The following ITGAE variants were observed in gnomAD, a reference collection of about 807,000 sequenced individuals.
The protein encoded by ITGAE is integrin alpha-E.
ITGAE carries 99 observed loss-of-function variants against 136.5 expected under a neutral mutation model. The observed-to-expected ratio is 0.73, with a 90% CI of 0.62 to 0.86. The LOEUF (loss-of-function observed/expected upper bound fraction) is 0.86, where lower values mean the gene tolerates loss of function less well. Ranked by LOEUF, ITGAE falls within the 40% of genes least tolerant of loss-of-function variation. The pLI, the probability that ITGAE is intolerant of heterozygous loss-of-function variation, is 0.00. For missense variants in ITGAE, 1,447 were observed against 1,515.3 expected (o/e 0.95, Z 0.75); for synonymous variants, 613 against 591.8 (o/e 1.04, Z -0.52).
chr17:3,801,094 C>T lies in ITGAE; in HGVS notation c.34+17G>A, dbSNP rs534122795. On this transcript the variant is annotated intron_variant, in intron 1 of 30. Coordinates refer to ENST00000263087, the MANE Select transcript of ITGAE (RefSeq NM_002208.5). The stretch of plus-strand genomic sequence containing the variant: ...AGGGCACAGCAGCCCCTCGAAGCAG[C>T]GGGTGAGAGGACTTACTGGCTATGC... The T allele has an allele frequency of 1.4e-5, 23 of 1,612,694 alleles. 1 individual carries two copies. The South Asian group carries it at 1.4e-4, about 10-fold the overall frequency.
chr17:3,773,431 C>A (rs1042713040), intron 2 of ITGAE, among the ~76,000 whole-genome samples: 3 of 151,960 alleles, frequency 2.0e-5, no homozygotes, highest in Non-Finnish European at 4.4e-5. Context: ...TTGCAGTGAG[C>A]CGAGAGCATG....
At chr17:3,795,741 G>A (rs771468997) in intron 1 of ITGAE, among the ~76,000 whole-genome samples, 2 of 152,210 alleles carry the variant, frequency 1.3e-5, no homozygotes, top group African/African-American at 2.4e-5. Flanking sequence ...AGAGCCTGCC[G>A]CAGAGGCACG....
Position 3,775,928 on chromosome 17 carries a change from G to A in ITGAE, c.155+1612C>T, listed in dbSNP as rs950522212. The stretch of plus-strand genomic sequence containing the variant: ...CACTCCCACACGTCCCTGTTTCACC[G>A]CAACCTTACCAGCAATGTTGGCAGA... On this transcript the variant is annotated intron_variant, in intron 2 of 30. Transcript: ENST00000263087. Among the ~76,000 whole-genome samples, 8 of 151,962 alleles carry A rather than the reference G, an allele frequency of 5.3e-5. No homozygotes were observed. The East Asian group carries it at 5.8e-4, about 11-fold the overall frequency.
chr17:3,782,637 G>A (rs1184029440), intron 1 of ITGAE, among the ~76,000 whole-genome samples: 3 of 152,084 alleles, frequency 2.0e-5, no homozygotes, highest in Non-Finnish European at 4.4e-5. Context: ...GGGATTACAG[G>A]TGTGAGCCAC....
intron 28 of ITGAE, among the ~76,000 whole-genome samples, chr17:3,722,929 A>G (rs2051087293): frequency 6.6e-6 from 1 of 152,242 alleles, no homozygotes; most frequent in Non-Finnish European, 1.5e-5. Flanking sequence ...GCCGAAGGTT[A>G]TTGCAACAGC....
At chr17:3,745,517 T>C (rs1266438181) in intron 18 of ITGAE, among the ~76,000 whole-genome samples, 4 of 152,084 alleles carry the variant, frequency 2.6e-5, no homozygotes, top group Non-Finnish European at 4.4e-5. Context: ...AATTTTTGTG[T>C]TTTTAGTGGA....
intron 30 of ITGAE, among the ~76,000 whole-genome samples, chr17:3,715,188 C>T (rs998718931): frequency 6.6e-6 from 1 of 152,172 alleles, no homozygotes; most frequent in Non-Finnish European, 1.5e-5. Flanking sequence ...GCAGCTGAAC[C>T]TTTTTAACTT....
intron 17 of ITGAE, among the ~76,000 whole-genome samples, chr17:3,747,710 G>C (rs937389702): frequency 6.6e-6 from 1 of 152,068 alleles, no homozygotes; most frequent in Non-Finnish European, 1.5e-5. Flanking sequence ...TCTGAGTGTG[G>C]ACATAACCTC....
intron 14 of ITGAE, 114 bp downstream of exon 14, chr17:3,753,168 GCACCTCCC>G: frequency 9.2e-7 from 1 of 1,082,404 alleles, no homozygotes; most frequent in Non-Finnish European, 1.3e-6. Flanking sequence ...TCCAGCCTGA[GCACCTCCC>G]CATCACTGCC....
chr17:3,785,410 A>G (rs1472205308), intron 1 of ITGAE, among the ~76,000 whole-genome samples: 1 of 151,892 alleles, frequency 6.6e-6, no homozygotes, highest in Non-Finnish European at 1.5e-5. Flanking sequence ...TGGAGGTTGC[A>G]GTGAGCCGAG....
rs753665865 is a variant in ITGAE at position 3,751,703 on chromosome 17, T to A, written c.1840A>T (p.Ser614Cys). The change falls in exon 15 of 31, where the codon AGT becomes TGT. Residue 614 changes from serine to cysteine, a missense_variant. Physicochemically the swap from Ser to Cys is moderately radical, Grantham distance 112. Coordinates refer to ENST00000263087, the MANE Select transcript of ITGAE (RefSeq NM_002208.5). ...CAGTGTCCATTGTAGATATACACACTGCCGAAGCTGGCACCATCATCTGCC... is the reference window on the plus strand; with the variant it reads ...CAGTGTCCATTGTAGATATACACACAGCCGAAGCTGGCACCATCATCTGCC... ...FGADDGASFG[S>C]VYIYNGHWDG... 1.2e-6 allele frequency: 2 copies of A among 1,614,032 alleles called. No individual in the cohort carries two copies. The highest frequency in any genetic ancestry group is 4.5e-5 in the East Asian group (2 of 44,874).
Position 3,726,044 on chromosome 17 carries a change from C to T in ITGAE, c.3084+1875G>A, listed in dbSNP as rs760106580. 2.3e-5 allele frequency: 37 copies of T among 1,614,006 alleles called. No homozygotes were observed. The South Asian group carries it at 2.9e-4, about 12-fold the overall frequency. ...GGGATGGGATTGTGGTTTTCTGTGACGTTTCCATGGATGAGGACCTGTTTA... is the reference window on the plus strand; with the variant it reads ...GGGATGGGATTGTGGTTTTCTGTGATGTTTCCATGGATGAGGACCTGTTTA... On this transcript the variant is annotated intron_variant, in intron 26 of 30. Coordinates refer to ENST00000263087, the MANE Select transcript of ITGAE (RefSeq NM_002208.5).
rs763631141 is a variant in ITGAE at position 3,726,607 on chromosome 17, C to G, written c.3084+1312G>C. ...ACTCGGGAGGCTGAGGCAGGAGGAT[C>G]GCTTGAGCCCAAGAGTTCATATCTA... On this transcript the variant is annotated intron_variant, in intron 26 of 30. Coordinates refer to ENST00000263087, the MANE Select transcript of ITGAE (RefSeq NM_002208.5). The G allele has an allele frequency of 1.5e-5, 6 of 402,146 alleles. No homozygotes were observed. In the East Asian group the frequency reaches 2.5e-4, roughly 17 times the overall value. The allele number at this position is 402,146 out of a possible 1,614,324, so 24.9% of individuals were successfully genotyped here.
chr17:3,772,047 C>T (rs2052436678), intron 2 of ITGAE, among the ~76,000 whole-genome samples: 1 of 152,194 alleles, frequency 6.6e-6, no homozygotes, highest in African/African-American at 2.4e-5. Context: ...TCACTGTCAG[C>T]TTTAGCCACA....
intron 2 of ITGAE, among the ~76,000 whole-genome samples, chr17:3,772,911 C>T (rs1303960059): frequency 6.6e-6 from 1 of 152,132 alleles, no homozygotes; most frequent in Non-Finnish European, 1.5e-5. Context: ...TCCCTCCACA[C>T]GGGGCAAGCA....
Position 3,732,359 on chromosome 17 carries a change from C to T in ITGAE, c.2754+9G>A, listed in dbSNP as rs200384542. ...GGTGAGAAGAGCGAATCAGTCCAAA[C>T]CGACTCACAGATGACCTCTTGAGGA... is the stretch of plus-strand genomic sequence containing the variant. On this transcript the variant is annotated intron_variant, in intron 22 of 30. Coordinates refer to ENST00000263087, the MANE Select transcript of ITGAE (RefSeq NM_002208.5). 19 of 1,608,874 alleles carry T rather than the reference C, an allele frequency of 1.2e-5. No individual in the cohort carries two copies. The East Asian group carries it at 2.7e-4, about 23-fold the overall frequency.
In ITGAE at chr17:3,755,815, G is replaced by T. The variant is rs1262784534; in HGVS notation, c.1239+15C>A. On this transcript the variant is annotated intron_variant, in intron 11 of 30. Transcript: ENST00000263087. Reference sequence around the variant, plus strand: ...CCAATGGGCAAGCCTGCCTGGTGCTGAGTCAGCCACGTACCTCATCCAGGA... The same window carrying T: ...CCAATGGGCAAGCCTGCCTGGTGCTTAGTCAGCCACGTACCTCATCCAGGA... 1.3e-6 allele frequency: 2 copies of T among 1,581,238 alleles called. No individual in the cohort carries two copies. Among genetic ancestry groups the T allele is most frequent in the East Asian group, 4.6e-5 (2 of 43,838 alleles).
intron 2 of ITGAE, among the ~76,000 whole-genome samples, chr17:3,767,257 C>T (rs909986455): frequency 2.4e-4 from 37 of 152,170 alleles, no homozygotes; most frequent in African/African-American, 8.7e-4. Flanking sequence ...CCACCATGAC[C>T]AGCTAATTTT....
chr17:3,784,117 G>A (rs1054850698), intron 1 of ITGAE, among the ~76,000 whole-genome samples: 4 of 151,934 alleles, frequency 2.6e-5, no homozygotes, highest in Non-Finnish European at 5.9e-5. Context: ...AAAATTAGCC[G>A]GGCGTGGTGG....
Sources: allele counts gnomAD v4.1 joint callset (sites outside exome capture counted in the v4.1 genomes callset), GRCh38; gene constraint gnomAD v4.1.1; transcripts MANE v1.5; gene names NCBI Gene and HGNC (gene_info 2026-07-23, HGNC 2026-07-21).